Variants in DIP2C observed in about 807,000 individuals in gnomAD.
DIP2C encodes the protein DIP2 acetate--CoA ligase C (putative).
DIP2C carries 33 observed loss-of-function variants against 192.4 expected under a neutral mutation model. That is an observed-to-expected ratio of 0.17 (90% CI 0.13 to 0.23). DIP2C has a LOEUF of 0.23. Ranked by LOEUF, DIP2C falls within the 10% of genes least tolerant of loss-of-function variation. The pLI, the probability that DIP2C is intolerant of heterozygous loss-of-function variation, is 1.00. For synonymous variants in DIP2C, 979 were observed against 864.1 expected (o/e 1.13, Z -2.33); for missense variants, 1,537 against 2,110.1 (o/e 0.73, Z 5.32).
At chr10:438,543 G>A (rs971147879) in intron 4 of DIP2C, among the ~76,000 whole-genome samples, 1 of 151,480 alleles carries the variant, frequency 6.6e-6, no homozygotes, top group Admixed American at 6.6e-5. Context: ...AGGCTGCAGT[G>A]CAGTGGCATG....
At chr10:499,575 T>C (rs968235725) in intron 1 of DIP2C, among the ~76,000 whole-genome samples, 3 of 152,112 alleles carry the variant, frequency 2.0e-5, no homozygotes, top group Admixed American at 6.5e-5. Context: ...CCATATAATA[T>C]CTGACAGAGC....
At chr10:477,895 GAA>G (rs1289865936) in intron 2 of DIP2C, among the ~76,000 whole-genome samples, 1 of 124,812 alleles carries the variant, frequency 8.0e-6, no homozygotes, top group Non-Finnish European at 1.7e-5. Flanking sequence ...AGAAGAAAAG[GAA>G]AAGAGAGGGA....
intron 1 of DIP2C, among the ~76,000 whole-genome samples, chr10:635,553 TC>T (rs1854779203): frequency 6.6e-6 from 1 of 152,166 alleles, no homozygotes; most frequent in South Asian, 2.1e-4. Context: ...CGTCTCCTCA[TC>T]CAACAGAAGC....
chr10:458,690 G>A (rs1334251026), intron 3 of DIP2C, among the ~76,000 whole-genome samples: 2 of 149,630 alleles, frequency 1.3e-5, no homozygotes, highest in Non-Finnish European at 1.5e-5. Context: ...CACCAGCAGC[G>A]CATGGCAGAG....
At chr10:593,596 TC>T (rs1398417779) in intron 1 of DIP2C, among the ~76,000 whole-genome samples, 1 of 147,310 alleles carries the variant, frequency 6.8e-6, no homozygotes, top group Non-Finnish European at 1.5e-5. Flanking sequence ...CCTCGGTACT[TC>T]CCCCCAAAAG....
At position 372,987 on chromosome 10, in the gene DIP2C, T is replaced by C. The variant is rs541429845; in HGVS notation, c.1992-3354A>G. 4.6e-5 allele frequency among the ~76,000 whole-genome samples: 7 copies of C among 152,370 alleles called. 1 individual carries two copies. The South Asian group carries it at 1.4e-3, about 32-fold the overall frequency. On this transcript the variant is annotated intron_variant, in intron 17 of 36. Transcript: ENST00000280886. Reference sequence around the variant, plus strand: ...GTGCCAAATGGTTCTGACTCTTTCATGCATAGGGACTCGCTTAAAACTCAC... The same window carrying C: ...GTGCCAAATGGTTCTGACTCTTTCACGCATAGGGACTCGCTTAAAACTCAC...
chr10:520,494 GC>G (rs1479392855), intron 1 of DIP2C, among the ~76,000 whole-genome samples: 1 of 152,230 alleles, frequency 6.6e-6, no homozygotes, highest in Admixed American at 6.5e-5. Context: ...TACATGAGAT[GC>G]ACATCCCAGT....
intron 1 of DIP2C, among the ~76,000 whole-genome samples, chr10:595,122 T>TC (rs1230280144): frequency 6.6e-6 from 1 of 152,044 alleles, no homozygotes; most frequent in Non-Finnish European, 1.5e-5. Context: ...AAATGGCAAA[T>TC]CCCCTCTGCA....
intron 1 of DIP2C, among the ~76,000 whole-genome samples, chr10:558,546 C>T (rs1405214856): frequency 1.3e-5 from 2 of 152,280 alleles, no homozygotes; most frequent in South Asian, 4.1e-4. Context: ...GCACGTCCAG[C>T]CCAGCCCAGT....
At chr10:342,350 G>A (rs1958192740) in intron 28 of DIP2C, among the ~76,000 whole-genome samples, 1 of 152,154 alleles carries the variant, frequency 6.6e-6, no homozygotes, top group South Asian at 2.1e-4. Context: ...AGTAGAGACA[G>A]GGTTTCCCCA....
At chr10:566,070 A>C (rs1259265161) in intron 1 of DIP2C, among the ~76,000 whole-genome samples, 1 of 152,228 alleles carries the variant, frequency 6.6e-6, no homozygotes, top group Non-Finnish European at 1.5e-5. Flanking sequence ...AAACAAAAAA[A>C]CCACGTATCT....
chr10:587,438 C>T (rs977590326), intron 1 of DIP2C, among the ~76,000 whole-genome samples: 2 of 152,220 alleles, frequency 1.3e-5, no homozygotes, highest in African/African-American at 2.4e-5. Context: ...GGAGGCCACA[C>T]TGCCATAGGT....
At chr10:532,443 A>G (rs1463299668) in intron 1 of DIP2C, among the ~76,000 whole-genome samples, 1 of 152,208 alleles carries the variant, frequency 6.6e-6, no homozygotes, top group Non-Finnish European at 1.5e-5. Context: ...GTCAACATCT[A>G]CCTTAGAGCA....
chr10:378,648 C>CACACGAACACAGACATGCATAAAG (rs1961953865), intron 17 of DIP2C, among the ~76,000 whole-genome samples: 1 of 65,846 alleles, frequency 1.5e-5, no homozygotes, highest in Non-Finnish European at 3.4e-5. Context: ...TGCATAAAGA[C>CACACGAACACAGACATGCATAAAG]ACACATGAAC....
chr10:474,684 G>C (rs1168219020), intron 2 of DIP2C, among the ~76,000 whole-genome samples: 1 of 152,200 alleles, frequency 6.6e-6, no homozygotes, highest in African/African-American at 2.4e-5. Context: ...AACACTTGGG[G>C]GCCCCACACA....
chr10:375,027 T>A (rs4880618), intron 17 of DIP2C, among the ~76,000 whole-genome samples: 149,910 of 152,314 alleles, frequency 0.98, 73,816 homozygotes, highest in Middle Eastern at 1. Flanking sequence ...GGCAGAGTCC[T>A]CTCTTGGAGA....
intron 28 of DIP2C, among the ~76,000 whole-genome samples, chr10:342,307 C>T (rs1016987643): frequency 4.6e-5 from 7 of 152,148 alleles, no homozygotes; most frequent in South Asian, 2.1e-4. Flanking sequence ...TACAGGCGCC[C>T]GCCACCACGC....
intron 1 of DIP2C, among the ~76,000 whole-genome samples, chr10:619,236 T>G (rs1238403449): frequency 6.6e-6 from 1 of 152,234 alleles, no homozygotes; most frequent in Non-Finnish European, 1.5e-5. Flanking sequence ...CTAGTTTTAC[T>G]ACTTCTCTAT....
At chr10:564,782 T>TCC (rs1227801896) in intron 1 of DIP2C, among the ~76,000 whole-genome samples, 1 of 152,048 alleles carries the variant, frequency 6.6e-6, no homozygotes, top group Non-Finnish European at 1.5e-5. Flanking sequence ...ACCAGCCACC[T>TCC]CCACCCAGTG....
Sources: allele counts gnomAD v4.1 joint callset (sites outside exome capture counted in the v4.1 genomes callset), GRCh38; gene constraint gnomAD v4.1.1; transcripts MANE v1.5; gene names NCBI Gene and HGNC (gene_info 2026-07-23, HGNC 2026-07-21).